Variants in LSS observed in about 807,000 individuals in gnomAD.
LSS encodes lanosterol synthase.
A neutral mutation model predicts 110.3 loss-of-function variants in LSS; 90 were observed. That is an observed-to-expected ratio of 0.82 (90% confidence interval 0.69 to 0.97). The LOEUF (loss-of-function observed/expected upper bound fraction) is 0.97. LSS is among the 50% of genes least tolerant of loss of function. LSS has a pLI of 0.00. For synonymous variants in LSS, 433 were observed against 400.0 expected (o/e 1.08, Z -0.98); for missense variants, 927 against 990.0 (o/e 0.94, Z 0.85).
chr21:46,192,342 G>A (rs1422662110), intron 20 of LSS: 1 of 404,136 alleles, frequency 2.5e-6, no homozygotes, highest in Non-Finnish European at 4.8e-6. Flanking sequence ...AGGATCCAGG[G>A]CTCAGCGGGC....
rs545795595 is a variant in LSS, at chr21:46,204,463, A to G, written c.1670+1373T>C. Among the ~76,000 whole-genome samples, 4 of 152,200 alleles carry G rather than the reference A, an allele frequency of 2.6e-5. No individual in the cohort carries two copies. The South Asian group carries it at 8.3e-4, about 32-fold the overall frequency. ...GTCAGCGTTGGGCTCAGAGCCATCT[A>G]AGAGGACACTGAACAACTTTGCATG... On this transcript the variant is annotated intron_variant, in intron 17 of 21. Transcript: ENST00000397728.
chr21:46,221,317 A>G (rs944999103), intron 5 of LSS, among the ~76,000 whole-genome samples: 9 of 151,466 alleles, frequency 5.9e-5, no homozygotes, highest in Non-Finnish European at 8.8e-5. Flanking sequence ...GTTTTTGCCA[A>G]TTCAGGAAAC....
In LSS at chr21:46,228,482, G is replaced by A. The variant is rs750777234; in HGVS notation, c.132C>T (p.Ala44=). 2 of 1,603,394 alleles carry A rather than the reference G, an allele frequency of 1.2e-6. No homozygotes were observed. The highest frequency in any genetic ancestry group is 1.7e-6 in the Non-Finnish European group (2 of 1,179,594). The part of the protein sequence containing the change: ...QTWTYLQDER[A]GREQTGLEAY... Reference sequence around the variant, plus strand: ...CTTCCAGGCCGGTCTGCTCGCGGCCGGCGCGCTCGTCCTGCAGGTAGGTCC... The same window carrying A: ...CTTCCAGGCCGGTCTGCTCGCGGCCAGCGCGCTCGTCCTGCAGGTAGGTCC... The change falls in exon 2 of 22, where the codon GCC becomes GCT. Residue 44 remains alanine (A), a synonymous_variant. Coordinates refer to ENST00000397728, the MANE Select transcript of LSS (RefSeq NM_002340.6).
chr21:46,208,397 A>T lies in LSS; in HGVS notation c.1267-96T>A, dbSNP rs771158444. 52 of 1,138,800 alleles carry T rather than the reference A, an allele frequency of 4.6e-5. 1 individual carries two copies. The highest frequency in any genetic ancestry group is 6.3e-5 in the Non-Finnish European group (49 of 772,934). The allele number at this position is 1,138,800 out of a possible 1,614,324, so 70.5% of individuals were successfully genotyped here. On this transcript the variant is annotated intron_variant, in intron 13 of 21. Transcript: ENST00000397728. The stretch of plus-strand genomic sequence containing the variant: ...GCTGAGACAGACTGGGCAGGACTGG[A>T]GAGGCAGAACGTGCCTGGGAGCTTA...
chr21:46,208,215 G>A, intron 14 of LSS, 36 bp downstream of exon 14: 1 of 1,548,780 alleles, frequency 6.5e-7, no homozygotes, highest in Non-Finnish European at 8.7e-7. Context: ...GCCTCCCCTG[G>A]GGGACGGGAC....
chr21:46,199,900 GAAC>G (rs1392195169), intron 17 of LSS, among the ~76,000 whole-genome samples: 9 of 152,196 alleles, frequency 5.9e-5, no homozygotes, highest in Non-Finnish European at 1.2e-4. Flanking sequence ...ACCACAGAAT[GAAC>G]AACATGAAGA....
intron 4 of LSS, chr21:46,222,426 C>T: frequency 1.7e-6 from 1 of 579,494 alleles, no homozygotes; most frequent in Non-Finnish European, 3.1e-6. Context: ...CCACAAAATC[C>T]ATTTAACAAA....
intron 17 of LSS, among the ~76,000 whole-genome samples, chr21:46,201,110 G>C (rs1370711753): frequency 4.2e-5 from 6 of 141,434 alleles, no homozygotes; most frequent in Non-Finnish European, 7.5e-5. Context: ...CCTCAGGGTA[G>C]AGCCTGGATC....
Position 46,208,425 on chromosome 21 carries a change from C to G in LSS, c.1267-124G>C, listed in dbSNP as rs995861189. ...GGCAGAACGTGCCTGGGAGCTTACT[C>G]TGCCGGCCACAGCCACCACTGGTGC... On this transcript the variant is annotated intron_variant, in intron 13 of 21. Coordinates refer to ENST00000397728, the MANE Select transcript of LSS (RefSeq NM_002340.6). The G allele has an allele frequency of 2.0e-5, 17 of 860,518 alleles. No homozygotes were observed. The African/African-American group carries it at 2.7e-4, about 13-fold the overall frequency. The allele number at this position is 860,518 out of a possible 1,614,324, so 53.3% of individuals were successfully genotyped here.
At chr21:46,210,924 G>A (rs930907366) in intron 11 of LSS, among the ~76,000 whole-genome samples, 180 bp from the exon 12 acceptor site, 1 of 152,190 alleles carries the variant, frequency 6.6e-6, no homozygotes, top group Non-Finnish European at 1.5e-5. Context: ...AGAGAAGGCT[G>A]AGCCCTGCAG....
chr21:46,221,700 C>T (rs2123758123), intron 5 of LSS, 154 bp downstream of exon 5: 3 of 1,110,050 alleles, frequency 2.7e-6, no homozygotes, highest in African/African-American at 1.6e-5. Context: ...CTAGGTTAAA[C>T]AGTGTCTGCC....
intron 17 of LSS, among the ~76,000 whole-genome samples, chr21:46,201,801 C>CTTT (rs35255202): frequency 2.1e-5 from 3 of 144,918 alleles, no homozygotes; most frequent in Non-Finnish European, 4.5e-5. Flanking sequence ...AGTTTAAAAT[C>CTTT]TTTTTTTTTT....
chr21:46,209,166 A>C lies in LSS; in HGVS notation c.1266+388T>G, dbSNP rs2080093765. On this transcript the variant is annotated intron_variant, in intron 13 of 21. Transcript: ENST00000397728. This position sits in a 1 kb window ranked among gnomAD's most constrained non-coding sequence, Gnocchi z 4.4. ...GGCTTTTGCTGCAAACAGTCTCAGG[A>C]GGGCAAGTCCACAGGCTGGCGTCAC... Among the ~76,000 whole-genome samples, 1 of 152,114 alleles carries C rather than the reference A, an allele frequency of 6.6e-6. No homozygotes were observed. The highest frequency in any genetic ancestry group is 1.5e-5 in the Non-Finnish European group (1 of 68,008).
chr21:46,202,940 C>T (rs753861672), intron 17 of LSS, among the ~76,000 whole-genome samples: 1 of 152,160 alleles, frequency 6.6e-6, no homozygotes, highest in African/African-American at 2.4e-5. Flanking sequence ...AGAGGAAGCC[C>T]GCGATTAAGT....
chr21:46,195,443 C>T (rs1395569734), intron 19 of LSS, among the ~76,000 whole-genome samples: 4 of 152,184 alleles, frequency 2.6e-5, no homozygotes, highest in South Asian at 2.1e-4. Context: ...GGGGTGGTGG[C>T]GTGCACCTGT....
In LSS at chr21:46,208,295, C is replaced by G; in HGVS notation, c.1273G>C (p.Asp425His). ...HEFLRLSQVP[D>H]NPPDYQKYYR... Reference sequence around the variant, plus strand: ...TACTTCTGGTAGTCGGGAGGGTTATCTGGGACCTGGGCAGCATCGAGGGCA... The same window carrying G: ...TACTTCTGGTAGTCGGGAGGGTTATGTGGGACCTGGGCAGCATCGAGGGCA... The change falls in exon 14 of 22, where the codon GAT (aspartate) becomes CAT (histidine). Residue 425 changes from aspartate (D) to histidine (H), a missense_variant. Coordinates refer to ENST00000397728, the MANE Select transcript of LSS (RefSeq NM_002340.6). The G allele has an allele frequency of 6.4e-7, 1 of 1,552,696 alleles. No homozygotes were observed. The highest frequency in any genetic ancestry group is 8.7e-7 in the Non-Finnish European group (1 of 1,147,564).
intron 3 of LSS, chr21:46,225,298 GT>G: frequency 7.1e-6 from 3 of 422,894 alleles, no homozygotes; most frequent in South Asian, 5.0e-5. Context: ...AGAGCCTTCT[GT>G]TAAGCCCGGA....
intron 3 of LSS, among the ~76,000 whole-genome samples, chr21:46,226,477 A>G (rs2080341077): frequency 6.6e-6 from 1 of 152,260 alleles, no homozygotes; most frequent in Admixed American, 6.5e-5. Context: ...ATCCCAGGAC[A>G]GAAAAACTCA....
chr21:46,195,563 A>AAAACAAAC lies in LSS; in HGVS notation c.1817+105_1817+112dup. The AAAACAAAC allele has an allele frequency of 3.9e-6, 4 of 1,014,078 alleles. No homozygotes were observed. The South Asian group carries it at 4.1e-5, about 10-fold the overall frequency. The allele number at this position is 1,014,078 out of a possible 1,614,324, so 62.8% of individuals were successfully genotyped here. On this transcript the variant is annotated intron_variant, in intron 19 of 21. Coordinates refer to ENST00000397728, the MANE Select transcript of LSS (RefSeq NM_002340.6). ...GTTGACAGAGCGAGACTCCGTCTCA[A>AAAACAAAC]AAACAAACAAACAAACAAACAAACC...
Sources: gnomAD v4.1 joint callset for allele counts (sites outside exome capture counted in the v4.1 genomes callset) on GRCh38, gnomAD v4.1.1 for gene constraint, Gnocchi (gnomAD v3.1) non-coding constraint, MANE v1.5 for transcripts, NCBI Gene and HGNC (gene_info 2026-07-23, HGNC 2026-07-21) for gene names.